ENO3: variants seen among roughly 807,000 people sequenced by gnomAD.
The protein encoded by ENO3 is enolase 3, also known as beta-enolase.
A neutral mutation model predicts 47.7 loss-of-function variants in ENO3; 46 were observed. The ratio of observed to expected loss-of-function variants is 0.96; its 90% CI spans 0.76 to 1.23. The LOEUF (loss-of-function observed/expected upper bound fraction) is 1.23, where lower values mean the gene tolerates loss of function less well. Among genes scored for constraint, ENO3 ranks in the 50% most tolerant of loss-of-function variants. The probability of loss-of-function intolerance (pLI) is 0.00; values close to 1 mark genes in which losing one functional copy is unlikely to be tolerated. For synonymous variants in ENO3, 223 were observed against 225.9 expected, an observed-to-expected ratio of 0.99 and a Z score of 0.11; for missense variants, 575 against 566.2, an observed-to-expected ratio of 1.02 and a Z score of -0.16.
At chr17:4,956,281 C>A in intron 9 of ENO3, 138 bp downstream of exon 9, 1 of 1,070,382 alleles carries the variant, frequency 9.3e-7, no homozygotes, top group Non-Finnish European at 1.4e-6. Flanking sequence ...GATCTCAAGA[C>A]TTTGTTTGAC....
At chr17:4,953,225 C>A in intron 4 of ENO3, 47 bp from the exon 5 acceptor site, 2 of 1,613,522 alleles carry the variant, frequency 1.2e-6, no homozygotes, top group Non-Finnish European at 1.7e-6. Flanking sequence ...GCCCTGACTT[C>A]TGAGAAATCT....
chr17:4,955,338 C>G, intron 7 of ENO3, 41 bp downstream of exon 7: 1 of 1,610,522 alleles, frequency 6.2e-7, no homozygotes, highest in Non-Finnish European at 8.5e-7. Flanking sequence ...CCCTGGATCT[C>G]CACATGGGCA....
At chr17:4,951,512 A>G (rs760427110) in intron 1 of ENO3, among the ~76,000 whole-genome samples, 9 of 152,096 alleles carry the variant, frequency 5.9e-5, no homozygotes, top group Non-Finnish European at 1.2e-4. Context: ...GCCATGGAGA[A>G]CAGACTGCTT....
chr17:4,956,134 C>A lies in ENO3; in HGVS notation c.1058C>A (p.Ser353Ter). The change falls in exon 9 of 12, where the codon TCG becomes TAG. Residue 353 changes from serine to a stop codon, truncating the protein, a stop_gained. Transcript: ENST00000519602. LOFTEE classifies it high-confidence loss of function. Reference sequence around the variant, plus strand: ...AACCAGATCGGCTCGGTGACCGAATCGATCCAGGCGTGAGTGCCTCCTGAC... The same window carrying A: ...AACCAGATCGGCTCGGTGACCGAATAGATCCAGGCGTGAGTGCCTCCTGAC... Reference protein sequence around the residue: ...KVNQIGSVTESIQACKLAQSN... With the variant: ...KVNQIGSVTE 1 of 1,613,922 alleles carries A rather than the reference C, an allele frequency of 6.2e-7. No individual in the cohort carries two copies. Among genetic ancestry groups the A allele is most frequent in the Non-Finnish European group, 8.5e-7 (1 of 1,179,970 alleles).
intron 9 of ENO3, 165 bp downstream of exon 9, chr17:4,956,308 T>TC (rs1971731855): frequency 6.7e-6 from 6 of 901,732 alleles, no homozygotes; most frequent in Non-Finnish European, 8.6e-6. Flanking sequence ...TTGGCCTGAC[T>TC]CCAAGAGCTT....
chr17:4,956,321 C>A, intron 9 of ENO3, 178 bp downstream of exon 9: 3 of 835,704 alleles, frequency 3.6e-6, no homozygotes, highest in Non-Finnish European at 5.8e-6. Context: ...AAGAGCTTTG[C>A]CCCTGTGGCT....
upstream of ENO3, among the ~76,000 whole-genome samples, chr17:4,949,473 C>T (rs554750350): frequency 3.1e-3 from 476 of 152,322 alleles, 3 homozygotes; most frequent in African/African-American, 9.8e-3. Context: ...ACCCGCGGGG[C>T]TTAACAGGCG....
In ENO3 at chr17:4,956,105, G is replaced by T; in HGVS notation, c.1029G>T (p.Lys343Asn). The T allele has an allele frequency of 6.2e-7, 1 of 1,614,058 alleles. No individual in the cohort carries two copies. The highest frequency in any genetic ancestry group is 8.5e-7 in the Non-Finnish European group (1 of 1,180,010). ...AGGCCTGCAACTGTCTGCTGCTGAA[G>T]GTCAACCAGATCGGCTCGGTGACCG... is the stretch of plus-strand genomic sequence containing the variant. ...EKKACNCLLL[K>N]VNQIGSVTES... Residue 343 changes from lysine (K) to asparagine (N), a missense_variant, in exon 9 of 12, where the codon AAG becomes AAT. Coordinates refer to ENST00000519602, the MANE Select transcript of ENO3 (RefSeq NM_053013.4).
chr17:4,957,106 G>A lies in ENO3; in HGVS notation c.*59G>A. Reference sequence around the variant, plus strand: ...CCCAGGTCTTCCAGACCTGCTTCCTGAAATAAACACTGGTGCCAACCAAGA... The same window carrying A: ...CCCAGGTCTTCCAGACCTGCTTCCTAAAATAAACACTGGTGCCAACCAAGA... On this transcript the variant is annotated 3_prime_UTR_variant, in exon 12 of 12. Coordinates refer to ENST00000519602, the MANE Select transcript of ENO3 (RefSeq NM_053013.4). 1 of 1,604,660 alleles carries A rather than the reference G, an allele frequency of 6.2e-7. No individual in the cohort carries two copies. Among genetic ancestry groups the A allele is most frequent in the Non-Finnish European group, 8.5e-7 (1 of 1,173,016 alleles).
chr17:4,953,352 G>C lies in ENO3; in HGVS notation c.310+11G>C, dbSNP rs770333521. 6.8e-6 allele frequency: 11 copies of C among 1,614,096 alleles called. No individual in the cohort carries two copies. Among genetic ancestry groups the C allele is most frequent in the Non-Finnish European group, 8.5e-6 (10 of 1,180,050 alleles). ...GGACCGAGAATAAGTGTGAGTGAAG[G>C]GCTAGCGGTGGGGAAGGGATGAGGT... On this transcript the variant is annotated intron_variant, in intron 5 of 11. Transcript: ENST00000519602.
chr17:4,954,345 A>G (rs914303720), intron 6 of ENO3: 4 of 184,330 alleles, frequency 2.2e-5, no homozygotes, highest in Non-Finnish European at 4.6e-5. Context: ...TCTGCCTGTT[A>G]TTAGTTGTAT....
At chr17:4,953,903 G>C (rs2151141538) in intron 6 of ENO3, 58 bp downstream of exon 6, 3 of 1,612,632 alleles carry the variant, frequency 1.9e-6, no homozygotes, top group Non-Finnish European at 2.5e-6. Flanking sequence ...ACCCCGCCCA[G>C]CCAGGGTTGG....
upstream of ENO3, chr17:4,950,949 C>T (rs569704822): frequency 1.3e-5 from 11 of 859,310 alleles, no homozygotes; most frequent in Non-Finnish European, 1.4e-5. Flanking sequence ...TAGTAGTTGA[C>T]CTTTGGTAAG....
chr17:4,950,036 T>C (rs931856733), upstream of ENO3, among the ~76,000 whole-genome samples: 4 of 75,084 alleles, frequency 5.3e-5, no homozygotes, highest in African/African-American at 2.0e-4. Context: ...GCAGGTGGCC[T>C]GGGGTGGGGG....
intron 2 of ENO3, among the ~76,000 whole-genome samples, 185 bp from the exon 3 acceptor site, chr17:4,952,610 A>C (rs1371402811): frequency 2.6e-5 from 4 of 152,166 alleles, no homozygotes; most frequent in African/African-American, 9.7e-5. Context: ...GGCGTGAGCC[A>C]CCGCGCCCGG....
At chr17:4,951,597 A>G (rs1971540643) in intron 1 of ENO3, 9 of 532,036 alleles carry the variant, frequency 1.7e-5, no homozygotes, top group East Asian at 3.5e-5. Context: ...GTGGCATCCC[A>G]GGAGCTATAG....
intron 1 of ENO3, 126 bp downstream of exon 1, chr17:4,951,308 G>A (rs753330617): frequency 5.7e-5 from 57 of 1,008,620 alleles, no homozygotes; most frequent in Middle Eastern, 5.0e-4. Flanking sequence ...AAAAAGCTGG[G>A]GGAAGGGGCG....
chr17:4,951,705 T>C, intron 1 of ENO3, 123 bp from the exon 2 acceptor site: 1 of 1,071,482 alleles, frequency 9.3e-7, no homozygotes, highest in Non-Finnish European at 1.4e-6. Flanking sequence ...GTGACCTTTT[T>C]GTAGGGTATT....
At chr17:4,951,974 C>A (rs563834642) in intron 2 of ENO3, 60 bp downstream of exon 2, 2 of 1,575,020 alleles carry the variant, frequency 1.3e-6, no homozygotes, top group African/African-American at 1.3e-5. Context: ...TGGCCTTTGC[C>A]CCCCAGTTCT....
Sources: gnomAD v4.1 joint callset for allele counts (sites outside exome capture counted in the v4.1 genomes callset) on GRCh38, gnomAD v4.1.1 for gene constraint, MANE v1.5 for transcripts, NCBI Gene and HGNC (gene_info 2026-07-23, HGNC 2026-07-21) for gene names.